Variants in DENND5B observed in about 807,000 individuals in gnomAD.
The protein encoded by DENND5B is DENN domain-containing protein 5B.
Under a neutral mutation model 140.6 loss-of-function variants are expected in DENND5B, and 34 were observed. That is an observed-to-expected ratio of 0.24 (90% CI 0.18 to 0.32). DENND5B has a LOEUF of 0.32. Ranked by LOEUF, DENND5B falls within the 10% of genes least tolerant of loss-of-function variation. DENND5B has a pLI of 1.00. For synonymous variants in DENND5B, 551 were observed against 562.1 expected, an observed-to-expected ratio of 0.98 and a Z score of 0.28; for missense variants, 1,142 against 1,560.2, an observed-to-expected ratio of 0.73 and a Z score of 4.52.
At chr12:31,423,461 G>T in intron 11 of DENND5B, 136 bp downstream of exon 11, 1 of 832,358 alleles carries the variant, frequency 1.2e-6, no homozygotes. Flanking sequence ...AAGTAATATT[G>T]CTCCTTCTAC....
At chr12:31,518,744 T>A (rs191132121) in intron 1 of DENND5B, among the ~76,000 whole-genome samples, 7 of 151,236 alleles carry the variant, frequency 4.6e-5, no homozygotes, top group Admixed American at 6.6e-5. Context: ...CTGGGTTTTT[T>A]AAATCTTTTT....
chr12:31,415,451 A>G lies in DENND5B; in HGVS notation c.2471-3T>C, dbSNP rs892040673. On this transcript the variant is annotated splice_region_variant and splice_polypyrimidine_tract_variant and intron_variant, in intron 11 of 20. Coordinates refer to ENST00000389082, the MANE Select transcript of DENND5B (RefSeq NM_144973.4). Reference sequence around the variant, plus strand: ...TCTTCTTTCTGGTCCGAGGGCAACTATGTAGAAAAATATCAACAAAATATT... The same window carrying G: ...TCTTCTTTCTGGTCCGAGGGCAACTGTGTAGAAAAATATCAACAAAATATT... 1 of 1,595,668 alleles carries G rather than the reference A, an allele frequency of 6.3e-7. No homozygotes were observed. Among genetic ancestry groups the G allele is most frequent in the Non-Finnish European group, 8.5e-7 (1 of 1,169,942 alleles).
chr12:31,427,157 C>T (rs747902772), intron 8 of DENND5B, among the ~76,000 whole-genome samples: 13 of 152,160 alleles, frequency 8.5e-5, no homozygotes, highest in Non-Finnish European at 1.9e-4. Flanking sequence ...AAGTGAATTA[C>T]AGTGTTACTT....
chr12:31,566,245 A>G (rs1004577574), intron 1 of DENND5B, among the ~76,000 whole-genome samples: 4 of 152,060 alleles, frequency 2.6e-5, no homozygotes, highest in East Asian at 1.9e-4. Context: ...GCTTGAGCCC[A>G]GGAGTTCGAG....
chr12:31,513,044 C>T lies in DENND5B; in HGVS notation c.128-17125G>A, dbSNP rs7135090. Among the ~76,000 whole-genome samples, 501 of 152,264 alleles carry T rather than the reference C, an allele frequency of 3.3e-3. 5 individuals carry two copies. Among genetic ancestry groups the T allele is most frequent in the African/African-American group, 0.011 (470 of 41,540 alleles). ...CTCCCTAAGTTCCTCTTGGCTGTGA[C>T]GGTTTCTCACATTTTCCTTGTTTTA... On this transcript the variant is annotated intron_variant, in intron 1 of 20. Coordinates refer to ENST00000389082, the MANE Select transcript of DENND5B (RefSeq NM_144973.4).
chr12:31,393,192 C>A (rs192835428), intron 17 of DENND5B, among the ~76,000 whole-genome samples: 3 of 152,246 alleles, frequency 2.0e-5, no homozygotes, highest in Admixed American at 1.3e-4. Flanking sequence ...TACCTACGAG[C>A]CTGTTAGTGG....
intron 19 of DENND5B, among the ~76,000 whole-genome samples, chr12:31,390,595 C>T (rs1286468634): frequency 6.6e-6 from 1 of 152,024 alleles, no homozygotes; most frequent in Non-Finnish European, 1.5e-5. Flanking sequence ...AAGATCACAC[C>T]ATTGTACTCC....
At chr12:31,475,271 T>C (rs187697412) in intron 3 of DENND5B, among the ~76,000 whole-genome samples, 1 of 152,334 alleles carries the variant, frequency 6.6e-6, no homozygotes, top group East Asian at 1.9e-4. Flanking sequence ...TTTTGGGGTA[T>C]GTCACTTTAA....
At chr12:31,471,757 G>A (rs1483239175) in intron 3 of DENND5B, among the ~76,000 whole-genome samples, 1 of 152,008 alleles carries the variant, frequency 6.6e-6, no homozygotes, top group African/African-American at 2.4e-5. Flanking sequence ...GTTGACACAG[G>A]GCCCACAGCT....
At chr12:31,466,879 T>C (rs114654917) in intron 3 of DENND5B, among the ~76,000 whole-genome samples, 25 of 152,264 alleles carry the variant, frequency 1.6e-4, no homozygotes, top group African/African-American at 6.0e-4. Flanking sequence ...CTCATTCAGA[T>C]AAATCAGTCA....
rs1374085255 is a variant in DENND5B, at chr12:31,385,348, C to T, written c.*2255G>A. 6.6e-6 allele frequency: 1 copy of T among 152,146 alleles called. No individual in the cohort carries two copies. Among genetic ancestry groups the T allele is most frequent in the Non-Finnish European group, 1.5e-5 (1 of 68,020 alleles). The allele number at this position is 152,146 out of a possible 1,614,324, so 9.4% of individuals were successfully genotyped here. A position where few individuals can be genotyped will look rare whatever the true frequency, so the allele number is the denominator to read the frequency against. ...CTGTGGGGTAAGTGTAAGATTTAAT[C>T]TCTCTATTCCTTAAGTGTTCCCATC... On this transcript the variant is annotated 3_prime_UTR_variant, in exon 21 of 21. Coordinates refer to ENST00000389082, the MANE Select transcript of DENND5B (RefSeq NM_144973.4).
chr12:31,461,353 A>C (rs1340394308), intron 3 of DENND5B, among the ~76,000 whole-genome samples: 1 of 152,198 alleles, frequency 6.6e-6, no homozygotes, highest in African/African-American at 2.4e-5. Flanking sequence ...GAGTTAACAG[A>C]AAATTAAGGA....
At chr12:31,485,718 G>T (rs1946275267) in intron 2 of DENND5B, among the ~76,000 whole-genome samples, 1 of 146,686 alleles carries the variant, frequency 6.8e-6, no homozygotes, top group South Asian at 2.2e-4. Context: ...GCTAAAAAAG[G>T]CAATACAGCT....
intron 3 of DENND5B, among the ~76,000 whole-genome samples, chr12:31,472,396 A>AG (rs1467666267): frequency 2.6e-5 from 4 of 152,114 alleles, no homozygotes. Flanking sequence ...GGTTCAAGCG[A>AG]TTCTCCTGCC....
chr12:31,390,255 C>T (rs1941055652), intron 19 of DENND5B, among the ~76,000 whole-genome samples: 1 of 152,178 alleles, frequency 6.6e-6, no homozygotes, highest in Non-Finnish European at 1.5e-5. Flanking sequence ...TCTACAAGGT[C>T]CAATTTGGTA....
At chr12:31,415,805 C>T (rs191613983) in intron 11 of DENND5B, among the ~76,000 whole-genome samples, 45 of 151,914 alleles carry the variant, frequency 3.0e-4, no homozygotes, top group Non-Finnish European at 2.5e-4. Flanking sequence ...CCAGGCTGGG[C>T]TATATTATTA....
intron 1 of DENND5B, among the ~76,000 whole-genome samples, chr12:31,574,747 T>C (rs935433826): frequency 6.6e-5 from 10 of 152,170 alleles, no homozygotes; most frequent in African/African-American, 2.4e-4. Context: ...AACAAGATGA[T>C]TTACAAGTGG....
chr12:31,425,149 C>T (rs980373545), intron 9 of DENND5B, among the ~76,000 whole-genome samples: 2 of 152,092 alleles, frequency 1.3e-5, no homozygotes, highest in African/African-American at 4.8e-5. Flanking sequence ...CCTGTCTCCA[C>T]TAAAAATACA....
chr12:31,422,817 A>G (rs1251678353), intron 11 of DENND5B, among the ~76,000 whole-genome samples: 1 of 152,196 alleles, frequency 6.6e-6, no homozygotes, highest in African/African-American at 2.4e-5. Flanking sequence ...ATAATTAGCT[A>G]AAAAATTATG....
Sources: gnomAD v4.1 joint callset for allele counts (sites outside exome capture counted in the v4.1 genomes callset) on GRCh38, gnomAD v4.1.1 for gene constraint, MANE v1.5 for transcripts, NCBI Gene and HGNC (gene_info 2026-07-23, HGNC 2026-07-21) for gene names.